AIG1: variants seen among roughly 807,000 people sequenced by gnomAD.
AIG1 encodes the protein androgen-induced gene 1 protein.
AIG1 carries 23 observed loss-of-function variants against 31.4 expected under a neutral mutation model. The ratio of observed to expected loss-of-function variants is 0.73; its 90% confidence interval spans 0.53 to 1.04. The LOEUF is 1.04. Among genes scored for constraint, AIG1 ranks in the 50% least tolerant of loss-of-function variants. AIG1 has a pLI of 0.00. For synonymous variants in AIG1, 100 were observed against 110.5 expected, an observed-to-expected ratio of 0.90 and a Z score of 0.60; for missense variants, 274 against 295.0, an observed-to-expected ratio of 0.93 and a Z score of 0.52.
rs1002533039 is a variant in AIG1, at chr6:143,186,108, G to A, written c.399+20925G>A. On this transcript the variant is annotated intron_variant, in intron 3 of 5. Coordinates refer to ENST00000357847, the MANE Select transcript of AIG1 (RefSeq NM_016108.4). ...TCACAGCCCATGAGAGCCAGGCTGG[G>A]AGTGGACCATTCAGGGGCTGCCCTA... Among the ~76,000 whole-genome samples the A allele has an allele frequency of 3.7e-4, 56 of 152,222 alleles. 1 individual carries two copies. The highest frequency in any genetic ancestry group is 3.6e-3 in the Admixed American group (55 of 15,288).
intron 3 of AIG1, among the ~76,000 whole-genome samples, chr6:143,215,641 T>C (rs1791971059): frequency 6.6e-6 from 1 of 152,150 alleles, no homozygotes; most frequent in Non-Finnish European, 1.5e-5. Context: ...ATATGGCTGC[T>C]GAGTCCCAGC....
At chr6:143,104,110 G>A (rs1780586194) in intron 1 of AIG1, among the ~76,000 whole-genome samples, 1 of 152,068 alleles carries the variant, frequency 6.6e-6, no homozygotes, top group Non-Finnish European at 1.5e-5. Flanking sequence ...TAGAGGTGAG[G>A]GTTGGTCTAT....
intron 3 of AIG1, among the ~76,000 whole-genome samples, chr6:143,241,725 G>T (rs547900833): frequency 6.6e-6 from 1 of 152,186 alleles, no homozygotes; most frequent in East Asian, 1.9e-4. Flanking sequence ...AATGCAAGTC[G>T]AGCATCCCTA....
intron 4 of AIG1, among the ~76,000 whole-genome samples, chr6:143,304,479 A>G (rs1348119770): frequency 6.6e-6 from 1 of 152,128 alleles, no homozygotes; most frequent in Non-Finnish European, 1.5e-5. Flanking sequence ...ATCTATTGAG[A>G]TAATCATGTG....
intron 3 of AIG1, among the ~76,000 whole-genome samples, chr6:143,277,666 G>A (rs926227477): frequency 2.6e-5 from 4 of 152,274 alleles, no homozygotes; most frequent in Admixed American, 6.5e-5. Context: ...TGCCAGTAGC[G>A]GACAGGGGAT....
chr6:143,133,806 T>A (rs1264065311), intron 1 of AIG1, among the ~76,000 whole-genome samples: 6 of 152,104 alleles, frequency 3.9e-5, no homozygotes, highest in Non-Finnish European at 8.8e-5. Context: ...AACCAGAACT[T>A]TCTTTCTTGG....
At chr6:143,075,720 A>T (rs1205277847) in intron 1 of AIG1, among the ~76,000 whole-genome samples, 1 of 152,150 alleles carries the variant, frequency 6.6e-6, no homozygotes, top group Non-Finnish European at 1.5e-5. Flanking sequence ...TGAACCCTTT[A>T]TTCTTTCCTA....
At chr6:143,185,505 G>A (rs561278869) in intron 3 of AIG1, among the ~76,000 whole-genome samples, 22 of 152,158 alleles carry the variant, frequency 1.4e-4, no homozygotes, top group African/African-American at 2.9e-4. Flanking sequence ...TATCAACTCC[G>A]AGTGTGCTCA....
At chr6:143,266,360 A>ATAAT (rs199506697) in intron 3 of AIG1, among the ~76,000 whole-genome samples, 2 of 133,042 alleles carry the variant, frequency 1.5e-5, no homozygotes, top group South Asian at 2.8e-4. Flanking sequence ...AAAAAAAAAA[A>ATAAT]AAAAAGAATA....
intron 3 of AIG1, among the ~76,000 whole-genome samples, chr6:143,214,684 G>T (rs920632277): frequency 6.6e-6 from 1 of 152,064 alleles, no homozygotes; most frequent in Non-Finnish European, 1.5e-5. Flanking sequence ...ACTCATCACT[G>T]TCTGGATGAA....
chr6:143,224,035 G>A (rs182879225), intron 3 of AIG1, among the ~76,000 whole-genome samples: 66 of 152,092 alleles, frequency 4.3e-4, no homozygotes, highest in East Asian at 4.2e-3. Flanking sequence ...TCTGTGTTAC[G>A]TGCCTGGCCA....
chr6:143,339,403 C>A (rs1777747472), intron 5 of AIG1: 2 of 382,290 alleles, frequency 5.2e-6, no homozygotes, highest in Non-Finnish European at 9.5e-6. Flanking sequence ...CCCAGAGATG[C>A]TGTGTCCTGA....
chr6:143,108,288 G>T (rs1281086376), intron 1 of AIG1, among the ~76,000 whole-genome samples: 4 of 152,034 alleles, frequency 2.6e-5, no homozygotes, highest in Non-Finnish European at 5.9e-5. Context: ...TTTTCTTTAA[G>T]ATTTCTTACT....
intron 2 of AIG1, among the ~76,000 whole-genome samples, chr6:143,141,960 T>C (rs1784280710): frequency 6.6e-6 from 1 of 151,130 alleles, no homozygotes; most frequent in Non-Finnish European, 1.5e-5. Context: ...TATATATGAG[T>C]TTAATGACTA....
chr6:143,174,076 G>C (rs1787902863), intron 3 of AIG1, among the ~76,000 whole-genome samples: 1 of 152,148 alleles, frequency 6.6e-6, no homozygotes, highest in South Asian at 2.1e-4. Context: ...TCCAGTGTTA[G>C]ATACATATAT....
At chr6:143,182,368 A>G (rs1788812105) in intron 3 of AIG1, among the ~76,000 whole-genome samples, 1 of 152,262 alleles carries the variant, frequency 6.6e-6, no homozygotes, top group Admixed American at 6.5e-5. Context: ...AGTGCCTGGT[A>G]TATTATAGGT....
intron 4 of AIG1, among the ~76,000 whole-genome samples, chr6:143,317,316 T>A (rs1427905441): frequency 6.6e-6 from 1 of 152,188 alleles, no homozygotes; most frequent in East Asian, 1.9e-4. Context: ...CATGATCAAG[T>A]GTGTTTTATA....
At chr6:143,120,154 G>A (rs1157612351) in intron 1 of AIG1, among the ~76,000 whole-genome samples, 8 of 152,036 alleles carry the variant, frequency 5.3e-5, no homozygotes, top group Non-Finnish European at 7.4e-5. Context: ...GGCTGATCTC[G>A]AACTCCCGAT....
intron 1 of AIG1, among the ~76,000 whole-genome samples, chr6:143,091,909 T>C (rs1779340021): frequency 6.6e-6 from 1 of 152,146 alleles, no homozygotes; most frequent in South Asian, 2.1e-4. Context: ...AATTCCAAGA[T>C]AGTCATAAAA....
Sources: allele counts gnomAD v4.1 joint callset (sites outside exome capture counted in the v4.1 genomes callset), GRCh38; gene constraint gnomAD v4.1.1; transcripts MANE v1.5; gene names NCBI Gene and HGNC (gene_info 2026-07-23, HGNC 2026-07-21).